Variants in SP140 observed in about 807,000 individuals in gnomAD.
SP140 encodes the protein SP140 nuclear body protein.
A neutral mutation model predicts 125.0 loss-of-function variants in SP140; 81 were observed. The ratio of observed to expected loss-of-function variants is 0.65; its 90% CI spans 0.54 to 0.78. SP140 has a LOEUF of 0.78. Among genes scored for constraint, SP140 ranks in the 30% least tolerant of loss-of-function variants. The probability of loss-of-function intolerance (pLI) is 0.00; values close to 1 mark genes in which losing one functional copy is unlikely to be tolerated. For missense variants in SP140, 858 were observed against 1,037.0 expected (o/e 0.83, Z 2.37); for synonymous variants, 312 against 354.0 (o/e 0.88, Z 1.33).
At chr2:230,217,377 C>T (rs1185763367) in intron 3 of SP140, among the ~76,000 whole-genome samples, 3 of 152,024 alleles carry the variant, frequency 2.0e-5, no homozygotes, top group Admixed American at 2.0e-4. Context: ...AAAGCAATGT[C>T]TGCCTAAAAG....
chr2:230,293,409 T>C (rs1297281238), intron 20 of SP140, among the ~76,000 whole-genome samples: 1 of 152,224 alleles, frequency 6.6e-6, no homozygotes, highest in Non-Finnish European at 1.5e-5. Context: ...CAATCTCGGC[T>C]CACTGCAACC....
At chr2:230,275,268 G>C (rs1030500118) in intron 15 of SP140, among the ~76,000 whole-genome samples, 1 of 152,078 alleles carries the variant, frequency 6.6e-6, no homozygotes, top group Non-Finnish European at 1.5e-5. Flanking sequence ...TGAGGATATT[G>C]TGAGTTTTAC....
chr2:230,280,666 C>A (rs2055406789), intron 15 of SP140, among the ~76,000 whole-genome samples: 1 of 152,042 alleles, frequency 6.6e-6, no homozygotes, highest in Non-Finnish European at 1.5e-5. Flanking sequence ...AATTATGCCC[C>A]AATCCCAAAA....
At chr2:230,221,757 C>T (rs2148982789), upstream of SP140, 2 of 1,534,902 alleles carry the variant, frequency 1.3e-6, no homozygotes, top group Non-Finnish European at 1.7e-6. Context: ...TCTGAGGATC[C>T]TGGCAGCAAG....
At chr2:230,241,359 C>G (rs1270404435) in intron 3 of SP140, 45 bp from the exon 4 acceptor site, 3 of 1,217,770 alleles carry the variant, frequency 2.5e-6, no homozygotes, top group Non-Finnish European at 3.7e-6. Flanking sequence ...GGTCTCTCCT[C>G]TGGTCACTGT....
intron 1 of SP140, among the ~76,000 whole-genome samples, chr2:230,234,433 A>G (rs986804672): frequency 6.6e-6 from 1 of 152,256 alleles, no homozygotes; most frequent in African/African-American, 2.4e-5. Context: ...CAGAAGGTGC[A>G]TGAGCAAAAT....
At chr2:230,206,682 G>A (rs1199038844) in intron 1 of SP140, among the ~76,000 whole-genome samples, 1 of 135,088 alleles carries the variant, frequency 7.4e-6, no homozygotes, top group Non-Finnish European at 1.5e-5. Context: ...ATATTGTGGG[G>A]AATATAACTT....
chr2:230,235,324 A>G (rs7591132), intron 1 of SP140, among the ~76,000 whole-genome samples: 151,701 of 152,210 alleles, frequency 1, 75,598 homozygotes, highest in Middle Eastern at 1. Flanking sequence ...AGTACCCCTC[A>G]GACCACTTTT....
rs751061556 is a variant in SP140 at position 230,288,303 on chromosome 2, C to T, written c.1720+337C>T. On this transcript the variant is annotated intron_variant, in intron 18 of 26. Transcript: ENST00000392045. ...GACCTTCCTCTGACTACTCAGAAAGCCACAGGTTGCACACTAAGGGTGAAA... is the reference window on the plus strand; with the variant it reads ...GACCTTCCTCTGACTACTCAGAAAGTCACAGGTTGCACACTAAGGGTGAAA... Among the ~76,000 whole-genome samples the T allele has an allele frequency of 4.8e-4, 73 of 152,298 alleles. No homozygotes were observed. The Middle Eastern group carries it at 0.01, about 21-fold the overall frequency.
chr2:230,298,886 AAAG>A (rs1469536641), intron 22 of SP140, among the ~76,000 whole-genome samples: 1 of 152,206 alleles, frequency 6.6e-6, no homozygotes, highest in Non-Finnish European at 1.5e-5. Flanking sequence ...TCTGTCACCT[AAAG>A]AAGAATACCA....
intron 15 of SP140, among the ~76,000 whole-genome samples, chr2:230,274,457 A>C (rs971377520): frequency 3.7e-4 from 56 of 152,280 alleles, no homozygotes; most frequent in African/African-American, 1.3e-3. Flanking sequence ...AGATGGATGC[A>C]GGGGTCCATC....
At chr2:230,261,073 A>G (rs1303111777) in intron 12 of SP140, among the ~76,000 whole-genome samples, 1 of 152,194 alleles carries the variant, frequency 6.6e-6, no homozygotes, top group East Asian at 1.9e-4. Context: ...TCCATGAAGC[A>G]TGGGATGTAT....
chr2:230,222,558 A>G (rs2045908371), upstream of SP140, among the ~76,000 whole-genome samples: 1 of 152,034 alleles, frequency 6.6e-6, no homozygotes, highest in Non-Finnish European at 1.5e-5. Context: ...GTCTCTACAA[A>G]AATACATTTT....
rs377653296 is a variant in SP140 at position 230,248,917 on chromosome 2, A to C, written c.925A>C (p.Asn309His). ...TGATCTAAAAACTCCCCAAGTCACT[A>C]ATGAAGGAGAACCAGAGAAGGGGCT... is the stretch of plus-strand genomic sequence containing the variant. ...TFDLKTPQVTNEGEPEKGLCL... is the reference protein window; with the variant it reads ...TFDLKTPQVTHEGEPEKGLCL... The change falls in exon 9 of 27, where the codon AAT becomes CAT. Residue 309 changes from asparagine to histidine, a missense_variant. Asn to His is a moderately conservative substitution (Grantham distance 68). Around this residue, in one of 4 missense-constraint regions of SP140, gnomAD observed 791 missense variants for 869.5 expected, o/e 0.91. Transcript: ENST00000392045. The C allele has an allele frequency of 1.9e-6, 3 of 1,612,616 alleles. No homozygotes were observed. In the African/African-American group the frequency reaches 4.0e-5, roughly 22 times the overall value.
In SP140 at chr2:230,211,757, G is replaced by A. The variant is rs561714403; in HGVS notation, c.-322-1897G>A. 6.6e-6 allele frequency among the ~76,000 whole-genome samples: 1 copy of A among 152,268 alleles called. No individual in the cohort carries two copies. The highest frequency in any genetic ancestry group is 2.1e-4 in the South Asian group (1 of 4,832). ...GTTCTTCCATTGCTGTTAGCTTCCT[G>A]ATTATGTTAACCTTTTTGGATGGTA... On this transcript the variant is annotated intron_variant, in intron 1 of 4. Transcript: ENST00000456542. The surrounding 1 kb of genome is among the most constrained non-coding windows in gnomAD (Gnocchi z 4.2).
rs953161367 is a variant in SP140, at chr2:230,303,156, A to G, written c.2058+5694A>G. On this transcript the variant is annotated intron_variant, in intron 22 of 26. Transcript: ENST00000392045. ...AAAAGATAAACAAAATTGATACACT[A>G]TTAGCAAGATTAACCAAGAAAAGAC... Among the ~76,000 whole-genome samples the G allele has an allele frequency of 3.9e-5, 6 of 152,330 alleles. No homozygotes were observed. The South Asian group carries it at 1.2e-3, about 32-fold the overall frequency.
In SP140 at chr2:230,288,509, C is replaced by CTTTT. The variant is rs1553600192; in HGVS notation, c.1720+546_1720+547insTTTT. On this transcript the variant is annotated intron_variant, in intron 18 of 26. Transcript: ENST00000392045. ...TCTTTCTTTCTTTCTTTCTTTCTTT[C>CTTTT]TTTCTTTCTTTCTTTTTTTATTCTT... Among the ~76,000 whole-genome samples the CTTTT allele has an allele frequency of 2.3e-3, 264 of 116,118 alleles. 1 individual carries two copies. Among genetic ancestry groups the CTTTT allele is most frequent in the African/African-American group, 8.0e-3 (255 of 31,692 alleles). The allele number at this position is 116,118 out of a possible 152,430, so 76.2% of individuals were successfully genotyped here. A position where few individuals can be genotyped will look rare whatever the true frequency, so the allele number is the denominator to read the frequency against.
At chr2:230,286,032 A>T (rs961211134) in intron 17 of SP140, among the ~76,000 whole-genome samples, 200 bp downstream of exon 17, 1 of 152,196 alleles carries the variant, frequency 6.6e-6, no homozygotes, top group Non-Finnish European at 1.5e-5. Flanking sequence ...TTATCTGCCC[A>T]GTTTCTAAAA....
At chr2:230,315,034 C>G (rs1269610146), downstream of SP140, among the ~76,000 whole-genome samples, 1 of 152,216 alleles carries the variant, frequency 6.6e-6, no homozygotes. Flanking sequence ...TCTATGAAGA[C>G]AGACATGCAT....
Sources: allele counts gnomAD v4.1 joint callset (sites outside exome capture counted in the v4.1 genomes callset), GRCh38; gene constraint gnomAD v4.1.1; regional missense constraint gnomAD v4.1.1; non-coding constraint Gnocchi (gnomAD v3.1); transcripts MANE v1.5; gene names NCBI Gene and HGNC (gene_info 2026-07-23, HGNC 2026-07-21).